The following CFAP74 variants were observed in gnomAD, a reference collection of about 807,000 sequenced individuals.
CFAP74 encodes the protein cilia- and flagella-associated protein 74.
CFAP74 carries 124 observed loss-of-function variants against 188.9 expected under a neutral mutation model. The ratio of observed to expected loss-of-function variants is 0.66; its 90% CI spans 0.57 to 0.76. The LOEUF is 0.76. CFAP74 is among the 30% of genes least tolerant of loss of function. CFAP74 has a pLI of 0.00. For missense variants in CFAP74, 2,198 were observed against 2,165.2 expected (o/e 1.02, Z -0.30); for synonymous variants, 956 against 916.7 (o/e 1.04, Z -0.77).
chr1:1,943,428 G>A (rs990595249), intron 21 of CFAP74, among the ~76,000 whole-genome samples: 32 of 152,258 alleles, frequency 2.1e-4, no homozygotes, highest in Non-Finnish European at 3.7e-4. Context: ...TCCTACCCAG[G>A]TCACCGGGGA....
At position 1,940,321 on chromosome 1, in the gene CFAP74, C is replaced by A; in HGVS notation, c.2698G>T (p.Asp900Tyr). 6.5e-7 allele frequency: 1 copy of A among 1,535,522 alleles called. No homozygotes were observed. Among genetic ancestry groups the A allele is most frequent in the South Asian group, 1.2e-5 (1 of 84,008 alleles). ...GGAAGTGCCCCAACACAGACCTGGT[C>A]GGCAACCCATATGGTCATCGGGGCC... ...LEAPMTIWVA[D>Y]QNKPVGFTVH... The change falls in exon 23 of 39, where the codon GAC (aspartate) becomes TAC (tyrosine). Residue 900 changes from aspartate (D) to tyrosine (Y), a missense_variant. Physicochemically the swap from Asp to Tyr is radical, Grantham distance 160. Coordinates refer to ENST00000682832, the MANE Select transcript of CFAP74 (RefSeq NM_001304360.2).
intron 14 of CFAP74, 75 bp from the exon 15 acceptor site, chr1:1,960,105 A>T (rs753259738): frequency 7.5e-7 from 1 of 1,340,510 alleles, no homozygotes; most frequent in Non-Finnish European, 1.0e-6. Context: ...CCCAGAGCAC[A>T]GTCAGGCTGG....
chr1:1,950,137 C>A (rs1200192276), intron 18 of CFAP74, among the ~76,000 whole-genome samples: 1 of 152,148 alleles, frequency 6.6e-6, no homozygotes, highest in African/African-American at 2.4e-5. Flanking sequence ...CTGCTCCTCA[C>A]CGGCACTTGC....
chr1:1,969,782 G>A (rs1461240251), intron 10 of CFAP74, among the ~76,000 whole-genome samples: 1 of 152,146 alleles, frequency 6.6e-6, no homozygotes. Flanking sequence ...GACGCACTCA[G>A]GGCTCTGTGG....
At chr1:1,964,253 T>G (rs145658247) in intron 13 of CFAP74, among the ~76,000 whole-genome samples, 167 of 152,300 alleles carry the variant, frequency 1.1e-3, no homozygotes, top group Middle Eastern at 3.4e-3. Context: ...GGCAGAGGCG[T>G]CCAGGCACCA....
intron 1 of CFAP74, among the ~76,000 whole-genome samples, chr1:2,003,480 T>G (rs985995574): frequency 1.3e-5 from 2 of 152,202 alleles, no homozygotes; most frequent in Non-Finnish European, 2.9e-5. Context: ...TACTTTATTA[T>G]AACATCTGCT....
At chr1:1,955,144 GCACCA>G in intron 18 of CFAP74, 1 of 1,239,928 alleles carries the variant, frequency 8.1e-7, no homozygotes, top group Non-Finnish European at 1.0e-6. Flanking sequence ...TGCGGAACGC[GCACCA>G]CGCGAAGACA....
intron 1 of CFAP74, among the ~76,000 whole-genome samples, chr1:1,992,514 C>T (rs1302281005): frequency 6.6e-6 from 1 of 151,122 alleles, no homozygotes; most frequent in Non-Finnish European, 1.5e-5. Context: ...CGCTCAGTCT[C>T]CCAGGCTGGA....
chr1:1,952,986 C>T (rs909596439), intron 18 of CFAP74, among the ~76,000 whole-genome samples: 28 of 152,122 alleles, frequency 1.8e-4, no homozygotes. Context: ...CAGTTCTCCC[C>T]AAATTGATCT....
intron 2 of CFAP74, among the ~76,000 whole-genome samples, chr1:1,989,343 C>T (rs1056025873): frequency 2.6e-5 from 4 of 152,232 alleles, no homozygotes; most frequent in African/African-American, 7.2e-5. Context: ...ACAGGGCGGA[C>T]GGTGTGAGAC....
chr1:1,959,877 C>T, intron 15 of CFAP74, 87 bp downstream of exon 15: 1 of 1,168,822 alleles, frequency 8.6e-7, no homozygotes, highest in Non-Finnish European at 1.2e-6. Context: ...CATCCTTCCC[C>T]CATCATGTTC....
chr1:1,977,345 G>C (rs1656514543), intron 6 of CFAP74, among the ~76,000 whole-genome samples: 1 of 152,178 alleles, frequency 6.6e-6, no homozygotes, highest in Admixed American at 6.6e-5. Flanking sequence ...ATCTGAGCGA[G>C]TGCCCCAAAC....
intron 18 of CFAP74, among the ~76,000 whole-genome samples, chr1:1,950,138 C>A (rs899144053): frequency 6.6e-6 from 1 of 152,110 alleles, no homozygotes; most frequent in Non-Finnish European, 1.5e-5. Context: ...TGCTCCTCAC[C>A]GGCACTTGCT....
At chr1:1,988,717 G>T in intron 3 of CFAP74, 62 bp from the exon 4 acceptor site, 1 of 1,588,662 alleles carries the variant, frequency 6.3e-7, no homozygotes, top group South Asian at 1.1e-5. Flanking sequence ...CTCATTCCTC[G>T]GTGTGGCTGC....
intron 2 of CFAP74, among the ~76,000 whole-genome samples, chr1:1,989,883 C>G (rs1355609954): frequency 6.6e-6 from 1 of 152,150 alleles, no homozygotes; most frequent in Non-Finnish European, 1.5e-5. Context: ...CCCTGAGGGT[C>G]CCTTAGTGTC....
chr1:1,928,666 G>T (rs1652111861), intron 27 of CFAP74, 118 bp downstream of exon 27: 5 of 694,506 alleles, frequency 7.2e-6, no homozygotes, highest in Non-Finnish European at 1.2e-5. Flanking sequence ...GCTTGGGAAA[G>T]GTCTACCCTG....
At chr1:1,979,045 T>C (rs74385691) in intron 6 of CFAP74, among the ~76,000 whole-genome samples, 4,792 of 71,698 alleles carry the variant, frequency 0.067, 123 homozygotes, top group Non-Finnish European at 0.083. Flanking sequence ...GAAGGCGTCA[T>C]GTGACGAGGC....
Position 1,973,867 on chromosome 1 carries a change from C to A in CFAP74, c.674+158G>T, listed in dbSNP as rs56313717. ...TGACACTTGGGAAGGACTCAAGGGC[C>A]CGGTGGAGGAGCAAGCTGGGAGGAG... On this transcript the variant is annotated intron_variant, in intron 7 of 38. Transcript: ENST00000682832. The surrounding 1 kb of genome is among the most constrained non-coding windows in gnomAD (Gnocchi z 6.2). 0.066 allele frequency among the ~76,000 whole-genome samples: 9,991 copies of A among 151,284 alleles called. 456 individuals are homozygous for A. The highest frequency in any genetic ancestry group is 0.1 in the Middle Eastern group (30 of 294).
At chr1:1,991,363 C>G (rs1377962164) in intron 1 of CFAP74, among the ~76,000 whole-genome samples, 1 of 152,092 alleles carries the variant, frequency 6.6e-6, no homozygotes, top group Admixed American at 6.5e-5. Context: ...GACCCTGTCA[C>G]AAAAGAAAAA....
Sources: gnomAD v4.1 joint callset for allele counts (sites outside exome capture counted in the v4.1 genomes callset) on GRCh38, gnomAD v4.1.1 for gene constraint, Gnocchi (gnomAD v3.1) non-coding constraint, MANE v1.5 for transcripts, NCBI Gene and HGNC (gene_info 2026-07-23, HGNC 2026-07-21) for gene names.